The following PLB1 variants were observed in gnomAD, a reference collection of about 807,000 sequenced individuals.
The protein encoded by PLB1 is phospholipase B1, membrane-associated.
A neutral mutation model predicts 227.4 loss-of-function variants in PLB1; 242 were observed. The ratio of observed to expected loss-of-function variants is 1.06; its 90% CI spans 0.96 to 1.18. The LOEUF is 1.18. Ranked by LOEUF, PLB1 falls within the 50% of genes most tolerant of loss-of-function variation. PLB1 has a pLI of 0.00. For missense variants in PLB1, 1,858 were observed against 1,816.3 expected (o/e 1.02, Z -0.42); for synonymous variants, 757 against 682.2 (o/e 1.11, Z -1.71).
Position 28,529,798 on chromosome 2 carries a change from C to G in PLB1, c.468+19C>G, listed in dbSNP as rs372592876. On this transcript the variant is annotated intron_variant, in intron 8 of 57. Transcript: ENST00000327757. ...GAACCTGGTAAGCATCCGTCCAACTCTGGCATGGCTGGGCTGCCTGGCTTT... is the reference window on the plus strand; with the variant it reads ...GAACCTGGTAAGCATCCGTCCAACTGTGGCATGGCTGGGCTGCCTGGCTTT... 2.5e-6 allele frequency: 4 copies of G among 1,613,338 alleles called. No individual in the cohort carries two copies. The highest frequency in any genetic ancestry group is 3.4e-6 in the Non-Finnish European group (4 of 1,179,288).
intron 6 of PLB1, among the ~76,000 whole-genome samples, chr2:28,527,794 CCAA>C (rs1670474440): frequency 6.6e-6 from 1 of 152,178 alleles, no homozygotes; most frequent in African/African-American, 2.4e-5. Flanking sequence ...GTGAAAAGAT[CCAA>C]CGTCATGTTT....
chr2:28,556,930 G>C (rs952027022), intron 17 of PLB1, among the ~76,000 whole-genome samples: 1 of 152,122 alleles, frequency 6.6e-6, no homozygotes, highest in Non-Finnish European at 1.5e-5. Context: ...AAGCCAATAT[G>C]AAAAATGGCC....
intron 25 of PLB1, among the ~76,000 whole-genome samples, chr2:28,584,087 C>G (rs1680515437): frequency 6.6e-6 from 1 of 152,190 alleles, no homozygotes; most frequent in South Asian, 2.1e-4. Context: ...TACAGGTCCC[C>G]ACCCCAGCCC....
intron 29 of PLB1, among the ~76,000 whole-genome samples, chr2:28,590,621 C>T (rs1420242135): frequency 6.6e-6 from 1 of 152,130 alleles, no homozygotes; most frequent in East Asian, 1.9e-4. Context: ...GTCCTCGTCC[C>T]CAAGAATCCC....
intron 34 of PLB1, 47 bp from the exon 35 acceptor site, chr2:28,598,605 G>A: frequency 6.8e-7 from 1 of 1,462,700 alleles, no homozygotes; most frequent in South Asian, 1.1e-5. Context: ...AAGCTATTCT[G>A]GCTTTCTGTT....
chr2:28,511,658 T>A (rs753656640), intron 1 of PLB1, among the ~76,000 whole-genome samples: 3 of 152,228 alleles, frequency 2.0e-5, no homozygotes, highest in Admixed American at 6.5e-5. Context: ...ATACATAGAC[T>A]ATTATAGTTG....
chr2:28,581,645 A>G (rs1382629054), intron 23 of PLB1, among the ~76,000 whole-genome samples: 2 of 152,094 alleles, frequency 1.3e-5, no homozygotes, highest in African/African-American at 2.4e-5. Context: ...CACTATTTCA[A>G]TATTGCCCAC....
At chr2:28,597,906 G>C (rs1683223639) in intron 33 of PLB1, 99 bp from the exon 34 acceptor site, 2 of 1,158,966 alleles carry the variant, frequency 1.7e-6, no homozygotes, top group Non-Finnish European at 2.6e-6. Flanking sequence ...GTGCCGATGG[G>C]CACTAAGAAG....
At chr2:28,595,551 C>T (rs918073735) in intron 33 of PLB1, 1 of 152,132 alleles carries the variant, frequency 6.6e-6, no homozygotes, top group Non-Finnish European at 1.5e-5. Context: ...CTCATAAGGC[C>T]TGCAATGCAG....
intron 9 of PLB1, among the ~76,000 whole-genome samples, chr2:28,536,705 T>G (rs746160094): frequency 6.6e-6 from 1 of 152,166 alleles, no homozygotes; most frequent in Non-Finnish European, 1.5e-5. Flanking sequence ...TTTGAAGAAA[T>G]CAGCTTTTTC....
intron 49 of PLB1, among the ~76,000 whole-genome samples, chr2:28,624,641 A>G (rs1250754103): frequency 1.3e-5 from 2 of 152,240 alleles, no homozygotes; most frequent in Non-Finnish European, 2.9e-5. Flanking sequence ...AGTAAAGGTT[A>G]AAGGAGTCAT....
chr2:28,533,554 TCAAG>T (rs1387582487), intron 9 of PLB1, among the ~76,000 whole-genome samples: 1 of 152,246 alleles, frequency 6.6e-6, no homozygotes, highest in East Asian at 1.9e-4. Flanking sequence ...ACTGAAGTGT[TCAAG>T]CATTTAGATA....
intron 42 of PLB1, 84 bp from the exon 43 acceptor site, chr2:28,606,412 C>A: frequency 8.8e-6 from 12 of 1,363,412 alleles, no homozygotes; most frequent in Non-Finnish European, 1.1e-5. Flanking sequence ...CTGAGCTTTC[C>A]CCACTGCAGG....
At chr2:28,517,094 C>T (rs1258028761) in intron 2 of PLB1, among the ~76,000 whole-genome samples, 1 of 152,060 alleles carries the variant, frequency 6.6e-6, no homozygotes, top group Non-Finnish European at 1.5e-5. Context: ...ATGGGCGGTT[C>T]CCAGAAGTGT....
chr2:28,544,510 C>T (rs1672950513), intron 14 of PLB1, among the ~76,000 whole-genome samples: 1 of 152,238 alleles, frequency 6.6e-6, no homozygotes, highest in South Asian at 2.1e-4. Context: ...TGCCCTTGTA[C>T]CCTCCATGGT....
At chr2:28,508,055 G>C (rs1460838391) in intron 1 of PLB1, among the ~76,000 whole-genome samples, 1 of 152,110 alleles carries the variant, frequency 6.6e-6, no homozygotes, top group Non-Finnish European at 1.5e-5. Context: ...CTACAGACAG[G>C]GCAAAACAAT....
chr2:28,598,584 C>T (rs558646796), intron 34 of PLB1, 68 bp from the exon 35 acceptor site: 4 of 1,274,804 alleles, frequency 3.1e-6, no homozygotes, highest in Middle Eastern at 1.8e-4. Flanking sequence ...CTAGGTCCCA[C>T]AGTACCAGAG....
chr2:28,556,219 G>A (rs186498177), intron 17 of PLB1, among the ~76,000 whole-genome samples: 65 of 152,208 alleles, frequency 4.3e-4, no homozygotes, highest in Non-Finnish European at 8.2e-4. Flanking sequence ...TCTCCAAACT[G>A]ACCACAGATA....
At chr2:28,606,664 T>C (rs1558901955) in intron 43 of PLB1, 97 bp downstream of exon 43, 2 of 1,118,648 alleles carry the variant, frequency 1.8e-6, no homozygotes, top group Non-Finnish European at 2.7e-6. Context: ...TCAGTACCCA[T>C]CTTGCCCCCT....
Sources: gnomAD v4.1 joint callset for allele counts (sites outside exome capture counted in the v4.1 genomes callset) on GRCh38, gnomAD v4.1.1 for gene constraint, MANE v1.5 for transcripts, NCBI Gene and HGNC (gene_info 2026-07-23, HGNC 2026-07-21) for gene names.